The following MGST1 variants were observed in gnomAD, a reference collection of about 807,000 sequenced individuals.
The protein encoded by MGST1 is glutathione S-transferase 12.
In MGST1, 5 loss-of-function variants were observed where a neutral mutation model predicts 8.9. The observed-to-expected ratio is 0.56, with a 90% CI of 0.29 to 1.19. The LOEUF is 1.19. MGST1 is among the 50% of genes most tolerant of loss of function. MGST1 has a pLI of 0.08. For synonymous variants in MGST1, 54 were observed against 67.8 expected, an observed-to-expected ratio of 0.80 and a Z score of 1.00; for missense variants, 182 against 187.4, an observed-to-expected ratio of 0.97 and a Z score of 0.17.
intron 1 of MGST1, among the ~76,000 whole-genome samples, chr12:16,405,625 C>T (rs761810546): frequency 6.6e-6 from 1 of 151,954 alleles, no homozygotes; most frequent in East Asian, 1.9e-4. Flanking sequence ...GTAAACCTCA[C>T]GCCAATATCC....
rs3029719 is a variant in MGST1, at chr12:16,544,221, TACAC to T, written n.483-45267_483-45264del. On this transcript the variant is annotated intron_variant and non_coding_transcript_variant, in intron 4 of 4. Transcript: ENST00000538857. This position sits in a 1 kb window ranked among gnomAD's most constrained non-coding sequence, Gnocchi z 4.8. ...TTAAATTGACACCTTAAGTAAGAAC[TACAC>T]ACACACACACACACACACACACACA... Among the ~76,000 whole-genome samples the T allele has an allele frequency of 0.019, 2,584 of 138,866 alleles. 51 individuals are homozygous for T. The highest frequency in any genetic ancestry group is 0.11 in the East Asian group (513 of 4,842). 91.1% of individuals were successfully genotyped at this position (138,866 alleles called of 152,430 possible).
rs1169573222 is a variant in MGST1 at position 16,513,035 on chromosome 12, C to T, written n.483-76493C>T. 2.0e-5 allele frequency among the ~76,000 whole-genome samples: 3 copies of T among 152,138 alleles called. No individual in the cohort carries two copies. Among genetic ancestry groups the T allele is most frequent in the Non-Finnish European group, 4.4e-5 (3 of 68,020 alleles). ...TGTTTGTAACTAATCTACTTTTCCT[C>T]CCAGTGTACAAATAAAGATTAAAAT... On this transcript the variant is annotated intron_variant and non_coding_transcript_variant, in intron 4 of 4. Transcript: ENST00000538857. This position sits in a 1 kb window ranked among gnomAD's most constrained non-coding sequence, Gnocchi z 4.2.
chr12:16,366,886 G>A (rs1347725875), downstream of MGST1, among the ~76,000 whole-genome samples: 12 of 152,100 alleles, frequency 7.9e-5, no homozygotes, highest in Admixed American at 7.9e-4. This position sits in a 1 kb window ranked among gnomAD's most constrained non-coding sequence, Gnocchi z 4.0. Flanking sequence ...GCAATGATGG[G>A]AGTTTTGGGG....
downstream of MGST1, among the ~76,000 whole-genome samples, chr12:16,381,274 G>C (rs938205203): frequency 4.6e-5 from 7 of 152,144 alleles, no homozygotes; most frequent in Admixed American, 3.9e-4. Context: ...GCAGTGGCTG[G>C]TACCGGTTCT....
chr12:16,354,112 G>C (rs201057252), intron 1 of MGST1, 119 bp from the exon 2 acceptor site: 1 of 760,126 alleles, frequency 1.3e-6, no homozygotes, highest in South Asian at 2.4e-5. Context: ...TCTGCAAATA[G>C]TCCAAGATAT....
chr12:16,523,886 C>G (rs1033584750), intron 4 of MGST1, among the ~76,000 whole-genome samples: 2 of 152,062 alleles, frequency 1.3e-5, no homozygotes, highest in Non-Finnish European at 2.9e-5. Flanking sequence ...GGTGAAGTAA[C>G]TACTTTGGAA....
intron 4 of MGST1, among the ~76,000 whole-genome samples, chr12:16,487,952 G>A (rs1250931178): frequency 6.6e-6 from 1 of 152,164 alleles, no homozygotes; most frequent in Non-Finnish European, 1.5e-5. Context: ...CTGGTGAATA[G>A]GCTAAAGAAT....
At chr12:16,417,316 T>C (rs1343759644) in intron 1 of MGST1, among the ~76,000 whole-genome samples, 1 of 152,170 alleles carries the variant, frequency 6.6e-6, no homozygotes, top group African/African-American at 2.4e-5. Flanking sequence ...GAGAACTCAC[T>C]CATTATCATG....
chr12:16,557,655 G>T (rs922753916), intron 4 of MGST1, among the ~76,000 whole-genome samples: 4 of 151,948 alleles, frequency 2.6e-5, no homozygotes, highest in Non-Finnish European at 5.9e-5. Context: ...TCAAGTTAGT[G>T]GACTATTATT....
At chr12:16,589,678 A>G (rs1168181343), downstream of MGST1, 4 of 152,096 alleles carry the variant, frequency 2.6e-5, no homozygotes, top group South Asian at 2.1e-4. This position sits in a 1 kb window ranked among gnomAD's most constrained non-coding sequence, Gnocchi z 4.2. Context: ...CAAGCAAACT[A>G]TCAGGTCAAG....
chr12:16,402,020 A>C (rs1356840585), intron 1 of MGST1: 3 of 1,601,936 alleles, frequency 1.9e-6, no homozygotes, highest in Non-Finnish European at 2.6e-6. Context: ...TGAACACTCC[A>C]ATCTTCTTGC....
At chr12:16,492,859 C>G (rs1181949615) in intron 4 of MGST1, among the ~76,000 whole-genome samples, 1 of 151,984 alleles carries the variant, frequency 6.6e-6, no homozygotes, top group Non-Finnish European at 1.5e-5. Context: ...CATGAAAGAC[C>G]AAGAAATTTC....
chr12:16,400,274 C>A, intron 1 of MGST1: 1 of 810,552 alleles, frequency 1.2e-6, no homozygotes, highest in Non-Finnish European at 2.2e-6. Flanking sequence ...AAATGCAAGA[C>A]AATAATCATT....
downstream of MGST1, among the ~76,000 whole-genome samples, chr12:16,441,128 C>T (rs890458587): frequency 6.6e-6 from 1 of 151,780 alleles, no homozygotes; most frequent in East Asian, 1.9e-4. Context: ...ACTACACATA[C>T]ATCTTTTCTC....
At position 16,482,767 on chromosome 12, in the gene MGST1, C is replaced by G. The variant is rs1941373233; in HGVS notation, n.482+99163C>G. 6.6e-6 allele frequency among the ~76,000 whole-genome samples: 1 copy of G among 152,168 alleles called. No individual in the cohort carries two copies. The highest frequency in any genetic ancestry group is 6.5e-5 in the Admixed American group (1 of 15,280). ...TGGCTGAGATACGCAAAGGATTAGA[C>G]TATCATGTCGGATACACCGAAATCA... is the stretch of plus-strand genomic sequence containing the variant. On this transcript the variant is annotated intron_variant and non_coding_transcript_variant, in intron 4 of 4. Transcript: ENST00000538857. This position sits in a 1 kb window ranked among gnomAD's most constrained non-coding sequence, Gnocchi z 4.2.
chr12:16,373,412 T>A (rs1940328851), intron 3 of MGST1, among the ~76,000 whole-genome samples: 1 of 151,918 alleles, frequency 6.6e-6, no homozygotes, highest in Non-Finnish European at 1.5e-5. Flanking sequence ...GCAATTGGAG[T>A]GTTCCTAACA....
intron 1 of MGST1, among the ~76,000 whole-genome samples, chr12:16,420,779 G>A (rs894776090): frequency 6.6e-6 from 1 of 152,166 alleles, no homozygotes; most frequent in South Asian, 2.1e-4. Context: ...GGACTCAACT[G>A]AGCACCTTTA....
At chr12:16,395,790 T>TAC (rs1223679635) in intron 1 of MGST1, among the ~76,000 whole-genome samples, 63 of 123,660 alleles carry the variant, frequency 5.1e-4, no homozygotes, top group African/African-American at 1.9e-3. Context: ...CATATATATA[T>TAC]ATATATATAT....
At chr12:16,473,996 G>A (rs759613618) in intron 4 of MGST1, among the ~76,000 whole-genome samples, 4 of 152,190 alleles carry the variant, frequency 2.6e-5, no homozygotes, top group Non-Finnish European at 4.4e-5. Context: ...ATTTGCTTGT[G>A]TCCCTATAGA....
Sources: allele counts gnomAD v4.1 joint callset (sites outside exome capture counted in the v4.1 genomes callset), GRCh38; gene constraint gnomAD v4.1.1; non-coding constraint Gnocchi (gnomAD v3.1); transcripts MANE v1.5; gene names NCBI Gene and HGNC (gene_info 2026-07-23, HGNC 2026-07-21).